COL21A1: variants seen among roughly 807,000 people sequenced by gnomAD.
The protein encoded by COL21A1 is collagen type XXI alpha 1 chain.
In COL21A1, 149 loss-of-function variants were observed where a neutral mutation model predicts 137.9. The ratio of observed to expected loss-of-function variants is 1.08; its 90% CI spans 0.95 to 1.24. The LOEUF is 1.24. Ranked by LOEUF, COL21A1 falls within the 50% of genes most tolerant of loss-of-function variation. The pLI, the probability that COL21A1 is intolerant of heterozygous loss-of-function variation, is 0.00. For synonymous variants in COL21A1, 456 were observed against 391.5 expected, an observed-to-expected ratio of 1.16 and a Z score of -1.95; for missense variants, 1,167 against 1,158.4, an observed-to-expected ratio of 1.01 and a Z score of -0.11.
Position 56,057,566 on chromosome 6 carries a change from T to C in COL21A1, c.*91A>G. On this transcript the variant is annotated 3_prime_UTR_variant, in exon 30 of 30. Transcript: ENST00000244728. The stretch of plus-strand genomic sequence containing the variant: ...AAAAACACCGAGGTACTTAAGTTTC[T>C]TTTCAAGGGATTACTGTTGGTTATC... The C allele has an allele frequency of 8.0e-7, 1 of 1,247,968 alleles. No homozygotes were observed. The highest frequency in any genetic ancestry group is 1.1e-6 in the Non-Finnish European group (1 of 881,006). 77.3% of individuals were successfully genotyped at this position (1,247,968 alleles called of 1,614,324 possible).
At chr6:56,142,009 AAAT>A in intron 10 of COL21A1, 26 bp from the exon 11 acceptor site, 1 of 1,451,778 alleles carries the variant, frequency 6.9e-7, no homozygotes, top group Non-Finnish European at 9.3e-7. Flanking sequence ...AAAAGAAAAA[AAAT>A]AATATTTCAT....
At chr6:56,364,668 A>G (rs1452879019) in intron 1 of COL21A1, among the ~76,000 whole-genome samples, 1 of 152,100 alleles carries the variant, frequency 6.6e-6, no homozygotes, top group East Asian at 1.9e-4. Context: ...GCTTTAGGGC[A>G]ACAATTTACT....
At chr6:56,097,373 G>C (rs141574008) in intron 17 of COL21A1, among the ~76,000 whole-genome samples, 141 of 152,090 alleles carry the variant, frequency 9.3e-4, no homozygotes, top group African/African-American at 3.3e-3. Flanking sequence ...CACCTTGTTT[G>C]TCTATCTTTT....
chr6:56,304,417 A>T (rs1037275305), intron 1 of COL21A1, among the ~76,000 whole-genome samples: 3 of 152,048 alleles, frequency 2.0e-5, no homozygotes, highest in Non-Finnish European at 4.4e-5. Context: ...AGAGCCTGTT[A>T]TTGGTCTATT....
intron 1 of COL21A1, among the ~76,000 whole-genome samples, chr6:56,384,282 CA>C (rs1302128464): frequency 2.0e-5 from 3 of 152,206 alleles, no homozygotes; most frequent in African/African-American, 7.2e-5. Context: ...CCCTCCCTGG[CA>C]GGTCCTTCCA....
chr6:56,071,270 A>T (rs901384038), intron 20 of COL21A1, among the ~76,000 whole-genome samples: 1 of 151,626 alleles, frequency 6.6e-6, no homozygotes, highest in Non-Finnish European at 1.5e-5. Context: ...GAAAATGTTT[A>T]GTTTGTGCTT....
chr6:56,149,547 T>C (rs143567058), intron 10 of COL21A1, among the ~76,000 whole-genome samples: 2 of 152,190 alleles, frequency 1.3e-5, no homozygotes, highest in East Asian at 1.9e-4. Context: ...TCTATATCCA[T>C]CTGCCTACCT....
intron 16 of COL21A1, among the ~76,000 whole-genome samples, chr6:56,119,820 T>C (rs751995038): frequency 2.6e-5 from 4 of 152,132 alleles, no homozygotes; most frequent in Non-Finnish European, 4.4e-5. Flanking sequence ...AGACAGTTTC[T>C]TCAAGAAATG....
chr6:56,070,194 A>C (rs569521892), intron 21 of COL21A1, among the ~76,000 whole-genome samples: 1 of 151,652 alleles, frequency 6.6e-6, no homozygotes, highest in Non-Finnish European at 1.5e-5. Flanking sequence ...ACATCAACTA[A>C]AGATCACTCT....
At chr6:56,090,732 A>G (rs1053843724) in intron 17 of COL21A1, among the ~76,000 whole-genome samples, 1 of 152,036 alleles carries the variant, frequency 6.6e-6, no homozygotes, top group Non-Finnish European at 1.5e-5. Flanking sequence ...ATAATTATAT[A>G]CATAATTACA....
intron 17 of COL21A1, among the ~76,000 whole-genome samples, chr6:56,082,884 T>C (rs1414280620): frequency 3.3e-5 from 5 of 152,014 alleles, no homozygotes; most frequent in Admixed American, 3.3e-4. Context: ...TTGAAATGTG[T>C]ATGCTATTCC....
intron 28 of COL21A1, 78 bp downstream of exon 28, chr6:56,059,940 T>A (rs1418583881): frequency 1.0e-6 from 1 of 989,732 alleles, no homozygotes; most frequent in Non-Finnish European, 1.5e-6. Context: ...TTAACTCGAC[T>A]ATTAAATGGA....
intron 1 of COL21A1, among the ~76,000 whole-genome samples, chr6:56,214,414 A>G (rs1393502972): frequency 6.6e-6 from 1 of 152,098 alleles, no homozygotes; most frequent in Non-Finnish European, 1.5e-5. Context: ...AATCATTACC[A>G]ACTTCACCTG....
At chr6:56,279,427 A>C (rs1395564851) in intron 1 of COL21A1, among the ~76,000 whole-genome samples, 1 of 152,210 alleles carries the variant, frequency 6.6e-6, no homozygotes, top group Non-Finnish European at 1.5e-5. Context: ...GCTGCTAGGC[A>C]TCTTTGCCTG....
At chr6:56,326,779 T>A (rs1002540447) in intron 1 of COL21A1, among the ~76,000 whole-genome samples, 3 of 152,052 alleles carry the variant, frequency 2.0e-5, no homozygotes, top group Non-Finnish European at 4.4e-5. Context: ...AAACAGCTCA[T>A]CTGTTCAGTT....
intron 24 of COL21A1, among the ~76,000 whole-genome samples, chr6:56,061,974 A>C (rs1157819222): frequency 1.3e-5 from 2 of 152,126 alleles, no homozygotes; most frequent in African/African-American, 4.8e-5. Flanking sequence ...ATTCTACTGA[A>C]TTTAAAATAT....
intron 1 of COL21A1, among the ~76,000 whole-genome samples, chr6:56,322,569 G>A (rs1056630825): frequency 2.6e-5 from 4 of 152,110 alleles, no homozygotes; most frequent in Admixed American, 2.6e-4. Flanking sequence ...TAATAAAGAT[G>A]TGTTTGAAAG....
chr6:56,155,911 A>G (rs1775708429), intron 10 of COL21A1, among the ~76,000 whole-genome samples: 1 of 152,206 alleles, frequency 6.6e-6, no homozygotes. Flanking sequence ...CCAAAAGCTA[A>G]TTCTTCGTGT....
At chr6:56,336,234 A>C (rs1055591201) in intron 1 of COL21A1, among the ~76,000 whole-genome samples, 6 of 152,192 alleles carry the variant, frequency 3.9e-5, no homozygotes, top group African/African-American at 1.4e-4. Context: ...ATCTGTTTTA[A>C]GTGGTCCTTT....
Sources: gnomAD v4.1 joint callset for allele counts (sites outside exome capture counted in the v4.1 genomes callset) on GRCh38, gnomAD v4.1.1 for gene constraint, MANE v1.5 for transcripts, NCBI Gene and HGNC (gene_info 2026-07-23, HGNC 2026-07-21) for gene names.